Variants in FBXL20 observed in about 807,000 individuals in gnomAD.
FBXL20 encodes the protein F-box/LRR-repeat protein 20.
In FBXL20, 11 loss-of-function variants were observed where a neutral mutation model predicts 64.0. The observed-to-expected ratio is 0.17, with a 90% confidence interval of 0.11 to 0.28. The LOEUF is 0.28. Ranked by LOEUF, FBXL20 falls within the 10% of genes least tolerant of loss-of-function variation. The pLI is 1.00. For missense variants in FBXL20, 303 were observed against 526.2 expected (o/e 0.58, Z 4.15); for synonymous variants, 184 against 189.0 (o/e 0.97, Z 0.22).
chr17:39,375,690 T>C (rs972623817), intron 1 of FBXL20, among the ~76,000 whole-genome samples: 1 of 152,218 alleles, frequency 6.6e-6, no homozygotes, highest in Non-Finnish European at 1.5e-5. Flanking sequence ...ATCAAATTTT[T>C]TTACTTTAAA....
chr17:39,394,494 G>T (rs533568780), intron 1 of FBXL20, among the ~76,000 whole-genome samples: 1 of 151,414 alleles, frequency 6.6e-6, no homozygotes, highest in South Asian at 2.1e-4. Flanking sequence ...AGCCAGGATG[G>T]TCTCGATCTC....
chr17:39,388,176 AC>A (rs1040391385), intron 1 of FBXL20, among the ~76,000 whole-genome samples: 5 of 152,044 alleles, frequency 3.3e-5, no homozygotes, highest in African/African-American at 1.2e-4. Flanking sequence ...ACTTATTTTG[AC>A]CAGGCATGGT....
chr17:39,322,445 AATGT>A (rs1309758508), intron 2 of FBXL20, among the ~76,000 whole-genome samples: 2 of 152,174 alleles, frequency 1.3e-5, no homozygotes, highest in Non-Finnish European at 2.9e-5. Context: ...TGAGTATTAA[AATGT>A]ATGTAACCTG....
intron 1 of FBXL20, among the ~76,000 whole-genome samples, chr17:39,352,354 C>T (rs576904392): frequency 5.9e-4 from 89 of 151,788 alleles, no homozygotes; most frequent in African/African-American, 2.1e-3. Flanking sequence ...GATCGCGAGA[C>T]CCCATGTCTG....
chr17:39,301,740 TA>T (rs536850337), intron 3 of FBXL20, among the ~76,000 whole-genome samples: 86 of 151,248 alleles, frequency 5.7e-4, no homozygotes, highest in African/African-American at 2.0e-3. Flanking sequence ...GGGGAAAAAT[TA>T]AAAAAATTAG....
At chr17:39,387,767 G>A (rs1012951098) in intron 1 of FBXL20, among the ~76,000 whole-genome samples, 1 of 151,922 alleles carries the variant, frequency 6.6e-6, no homozygotes, top group South Asian at 2.1e-4. Flanking sequence ...TTGTAGAGAT[G>A]AGGTCTCACT....
At chr17:39,268,221 C>T (rs1162445910) in intron 12 of FBXL20, among the ~76,000 whole-genome samples, 5 of 152,048 alleles carry the variant, frequency 3.3e-5, no homozygotes, top group Non-Finnish European at 7.4e-5. Flanking sequence ...GGTGTGGTGG[C>T]GCATGCCTGT....
chr17:39,270,751 AAAACCTATGGAAAC>A (rs747959697), intron 11 of FBXL20, 31 bp downstream of exon 11: 65 of 1,511,054 alleles, frequency 4.3e-5, no homozygotes, highest in Non-Finnish European at 5.8e-5. Flanking sequence ...AAGCCCTAAT[AAAACCTATGGAAAC>A]AAACCTATGG....
chr17:39,331,470 G>C (rs936656891), intron 2 of FBXL20, among the ~76,000 whole-genome samples: 1 of 152,038 alleles, frequency 6.6e-6, no homozygotes, highest in African/African-American at 2.4e-5. Context: ...CTCATTTCTG[G>C]GGAAGCATTT....
chr17:39,397,327 A>G (rs1390833229), intron 1 of FBXL20, among the ~76,000 whole-genome samples: 3 of 152,374 alleles, frequency 2.0e-5, no homozygotes, highest in African/African-American at 7.2e-5. Flanking sequence ...ATGAAAAACA[A>G]TAATGAACAT....
In FBXL20 at chr17:39,390,657, G is replaced by A. The variant is rs144773610; in HGVS notation, c.42+10704C>T. Among the ~76,000 whole-genome samples the A allele has an allele frequency of 1.9e-3, 293 of 152,168 alleles. 7 individuals carry two copies. In the East Asian group the frequency reaches 0.049, roughly 26 times the overall value. ...TGGGAGGATGGCCTGGGCCCCAGAGGTCAAGGCTGCAGTGAGCCCTGATGT... is the reference window on the plus strand; with the variant it reads ...TGGGAGGATGGCCTGGGCCCCAGAGATCAAGGCTGCAGTGAGCCCTGATGT... On this transcript the variant is annotated intron_variant, in intron 1 of 14. Transcript: ENST00000264658.
chr17:39,337,882 G>A lies in FBXL20; in HGVS notation c.104+5298C>T, dbSNP rs71423163. Among the ~76,000 whole-genome samples the A allele has an allele frequency of 4.0e-5, 6 of 149,822 alleles. No homozygotes were observed. The East Asian group carries it at 6.1e-4, about 15-fold the overall frequency. On this transcript the variant is annotated intron_variant, in intron 2 of 14. Coordinates refer to ENST00000264658, the MANE Select transcript of FBXL20 (RefSeq NM_032875.3). The stretch of plus-strand genomic sequence containing the variant: ...AGGAGGGAGGAGGGGGTCAGGCCCC[G>A]CCCGGCCAGCCACCCTATCCGGGAG...
intron 1 of FBXL20, among the ~76,000 whole-genome samples, chr17:39,397,171 G>A (rs543605547): frequency 1.6e-4 from 24 of 152,236 alleles, no homozygotes; most frequent in African/African-American, 5.5e-4. Context: ...CTCCCAAAGT[G>A]CTGTGATTAC....
At chr17:39,264,621 T>C (rs1003271699) in intron 13 of FBXL20, among the ~76,000 whole-genome samples, 3 of 152,230 alleles carry the variant, frequency 2.0e-5, no homozygotes, top group Admixed American at 2.0e-4. Flanking sequence ...ATTCATGTAA[T>C]GACTATGAAG....
At chr17:39,301,240 A>G (rs1056262538) in intron 3 of FBXL20, among the ~76,000 whole-genome samples, 165 bp from the exon 4 acceptor site, 2 of 152,168 alleles carry the variant, frequency 1.3e-5, no homozygotes, top group Non-Finnish European at 2.9e-5. Context: ...CCTGACCCAT[A>G]TTGTATTCTC....
chr17:39,397,520 C>T lies in FBXL20; in HGVS notation c.42+3841G>A, dbSNP rs903963115. On this transcript the variant is annotated intron_variant, in intron 1 of 14. Coordinates refer to ENST00000264658, the MANE Select transcript of FBXL20 (RefSeq NM_032875.3). The stretch of plus-strand genomic sequence containing the variant: ...GAATTTTTCTCCAACAGTACTACAT[C>T]CTCATAAAGAAGCTACTAAGAGCAT... Among the ~76,000 whole-genome samples, 3 of 152,192 alleles carry T rather than the reference C, an allele frequency of 2.0e-5. 1 individual carries two copies. The South Asian group carries it at 6.2e-4, about 32-fold the overall frequency.
chr17:39,321,446 C>G (rs1300845797), intron 2 of FBXL20, among the ~76,000 whole-genome samples: 1 of 123,920 alleles, frequency 8.1e-6, no homozygotes, highest in Non-Finnish European at 1.7e-5. Flanking sequence ...AGCCTGGCAA[C>G]AGAGCTAGAA....
At chr17:39,309,115 T>C (rs1359932336) in intron 2 of FBXL20, among the ~76,000 whole-genome samples, 1 of 152,230 alleles carries the variant, frequency 6.6e-6, no homozygotes, top group Non-Finnish European at 1.5e-5. Flanking sequence ...CTATTCTTGT[T>C]GCACTTTATG....
chr17:39,379,495 A>AAAAAG, intron 1 of FBXL20, among the ~76,000 whole-genome samples: 1 of 151,140 alleles, frequency 6.6e-6, no homozygotes, highest in Admixed American at 6.6e-5. Context: ...CAAAAAAAAA[A>AAAAAG]AAACTGGCCA....
Sources: gnomAD v4.1 joint callset for allele counts (sites outside exome capture counted in the v4.1 genomes callset) on GRCh38, gnomAD v4.1.1 for gene constraint, MANE v1.5 for transcripts, NCBI Gene and HGNC (gene_info 2026-07-23, HGNC 2026-07-21) for gene names.